MGAM: variants seen among roughly 807,000 people sequenced by gnomAD.
The protein encoded by MGAM is maltase-glucoamylase.
In MGAM, 253 loss-of-function variants were observed where a neutral mutation model predicts 358.8. That is an observed-to-expected ratio of 0.71 (90% CI 0.64 to 0.78). The LOEUF is 0.78. MGAM is among the 30% of genes least tolerant of loss of function. MGAM has a pLI of 0.00. For synonymous variants in MGAM, 1,105 were observed against 1,227.1 expected (o/e 0.90, Z 2.08); for missense variants, 3,080 against 3,432.6 (o/e 0.90, Z 2.57).
intron 10 of MGAM, among the ~76,000 whole-genome samples, chr7:142,028,714 T>C (rs1483333568): frequency 1.3e-5 from 2 of 152,150 alleles, no homozygotes; most frequent in African/African-American, 4.8e-5. Flanking sequence ...TCCATAAATA[T>C]GATGTGTAAA....
chr7:142,060,355 C>G lies in MGAM; in HGVS notation c.4104C>G (p.Asp1368Glu). 2 of 1,614,044 alleles carry G rather than the reference C, an allele frequency of 1.2e-6. No individual in the cohort carries two copies. ...FPDVVVNGSL[D>E]WDSQVELYRA... Reference sequence around the variant, plus strand: ...ATGTTGTTGTGAATGGGTCTCTAGACTGGGACAGCCAAGTGGAGGTAAAAG... The same window carrying G: ...ATGTTGTTGTGAATGGGTCTCTAGAGTGGGACAGCCAAGTGGAGGTAAAAG... The change falls in exon 34 of 71, where the codon GAC (aspartate) becomes GAG (glutamate). Residue 1368 changes from aspartate to glutamate, a missense_variant. Transcript: ENST00000475668.
intron 42 of MGAM, 146 bp from the exon 43 acceptor site, chr7:142,068,501 A>T (rs1196478102): frequency 4.8e-6 from 3 of 630,844 alleles, no homozygotes; most frequent in African/African-American, 1.8e-5. Flanking sequence ...AAACAGGAAG[A>T]AGGTTGCCCC....
At position 142,076,793 on chromosome 7, in the gene MGAM, T is replaced by G; in HGVS notation, c.5460T>G (p.Thr1820=). ...AACACAATGGTGTCCCAAGTCAGACTTCTCCTACAGTCACTTATGATTCTA... is the reference window on the plus strand; with the variant it reads ...AACACAATGGTGTCCCAAGTCAGACGTCTCCTACAGTCACTTATGATTCTA... ...TVKHNGVPSQ[T]SPTVTYDSNL... is the part of the protein sequence containing the mutation. Residue 1820 remains threonine (T), a synonymous_variant, in exon 47 of 71, where the codon ACT becomes ACG. Transcript: ENST00000475668. 1.3e-6 allele frequency: 2 copies of G among 1,555,330 alleles called. No individual in the cohort carries two copies. The highest frequency in any genetic ancestry group is 1.8e-6 in the Non-Finnish European group (2 of 1,131,740).
At chr7:142,023,604 G>A (rs868924674) in intron 7 of MGAM, among the ~76,000 whole-genome samples, 3 of 152,014 alleles carry the variant, frequency 2.0e-5, no homozygotes, top group Admixed American at 6.6e-5. Flanking sequence ...GCCTGAACCC[G>A]GGAGGTGGAC....
intron 24 of MGAM, 33 bp from the exon 25 acceptor site, chr7:142,052,261 A>G (rs1267413725): frequency 1.3e-6 from 2 of 1,558,814 alleles, no homozygotes; most frequent in Admixed American, 1.9e-5. Context: ...TCTCCTAAAG[A>G]TGAATTTCCT....
At chr7:142,008,448 T>C in intron 2 of MGAM, 58 bp from the exon 3 acceptor site, 1 of 1,522,242 alleles carries the variant, frequency 6.6e-7, no homozygotes, top group East Asian at 2.4e-5. Flanking sequence ...TGAGAACTAT[T>C]GAATGTCTGT....
In MGAM at chr7:142,008,941, G is replaced by A. The variant is rs782708709; in HGVS notation, c.327+236G>A. On this transcript the variant is annotated intron_variant, in intron 3 of 70. Transcript: ENST00000475668. Reference sequence around the variant, plus strand: ...TGCCAGATTCAGCAAATAAAAGTGCGGTTGCCCAGCCAAATTCAAATTTCA... The same window carrying A: ...TGCCAGATTCAGCAAATAAAAGTGCAGTTGCCCAGCCAAATTCAAATTTCA... Among the ~76,000 whole-genome samples the A allele has an allele frequency of 1.8e-4, 27 of 152,026 alleles. 1 individual carries two copies. The highest frequency in any genetic ancestry group is 2.8e-4 in the Non-Finnish European group (19 of 67,992).
chr7:142,004,919 C>G (rs967899765), intron 1 of MGAM, among the ~76,000 whole-genome samples: 6 of 151,966 alleles, frequency 3.9e-5, no homozygotes, highest in Non-Finnish European at 8.8e-5. Context: ...ACCATTCTTG[C>G]TAAAAAATCA....
intron 34 of MGAM, among the ~76,000 whole-genome samples, chr7:142,061,931 C>T (rs1812241679): frequency 6.6e-6 from 1 of 152,090 alleles, no homozygotes; most frequent in African/African-American, 2.4e-5. Context: ...AAAGTTGTAT[C>T]TTGAATCTTT....
rs935374548 is a variant in MGAM, at chr7:142,076,138, A to G, written c.5276-65A>G. ...TCAGGATGTAACTGAAAAGAGTGGGAGTGTGAAATCTGTTCTTCTGTGGTG... is the reference window on the plus strand; with the variant it reads ...TCAGGATGTAACTGAAAAGAGTGGGGGTGTGAAATCTGTTCTTCTGTGGTG... On this transcript the variant is annotated intron_variant, in intron 45 of 70. Coordinates refer to ENST00000475668, the MANE Select transcript of MGAM (RefSeq NM_001365693.1). 9.1e-6 allele frequency: 11 copies of G among 1,204,798 alleles called. No homozygotes were observed. The African/African-American group carries it at 1.6e-4, about 17-fold the overall frequency. 74.6% of individuals were successfully genotyped at this position (1,204,798 alleles called of 1,614,324 possible).
intron 3 of MGAM, among the ~76,000 whole-genome samples, chr7:142,018,072 A>C (rs184429591): frequency 3.0e-4 from 45 of 152,322 alleles, no homozygotes; most frequent in Admixed American, 6.5e-4. Context: ...TTATTCCAAA[A>C]TTTAATGGCC....
At chr7:142,033,327 A>G (rs1554464498) in intron 14 of MGAM, among the ~76,000 whole-genome samples, 1 of 152,170 alleles carries the variant, frequency 6.6e-6, no homozygotes, top group African/African-American at 2.4e-5. Context: ...GAGTTACAGG[A>G]TGAAAAGACA....
chr7:142,065,601 C>T lies in MGAM; in HGVS notation c.4632C>T (p.Phe1544=). 6.2e-7 allele frequency: 1 copy of T among 1,613,898 alleles called. No homozygotes were observed. ...TTCTCGTTGCAGGCATGATGGAGTT[C>T]AGCCTCTTTGGCATATCCTATGTGA... ...LKKSIIGMME[F]SLFGISYTGA... Residue 1544 remains phenylalanine, a synonymous_variant, in exon 39 of 71, where the codon TTC becomes TTT. Transcript: ENST00000475668.
Position 142,094,267 on chromosome 7 carries a change from A to G in MGAM, c.7173-97A>G. 5.1e-6 allele frequency: 7 copies of G among 1,379,114 alleles called. No homozygotes were observed. In the South Asian group the frequency reaches 7.7e-5, roughly 15 times the overall value. The allele number at this position is 1,379,114 out of a possible 1,614,324, so 85.4% of individuals were successfully genotyped here. A position where few individuals can be genotyped will look rare whatever the true frequency, so the allele number is the denominator to read the frequency against. ...CCCGTGTTCCCTCCAATCACGCAGCAAACATTGACTAGGCTCAAGGGCTCT... is the reference window on the plus strand; with the variant it reads ...CCCGTGTTCCCTCCAATCACGCAGCGAACATTGACTAGGCTCAAGGGCTCT... On this transcript the variant is annotated intron_variant, in intron 60 of 70. Coordinates refer to ENST00000475668, the MANE Select transcript of MGAM (RefSeq NM_001365693.1).
At chr7:142,050,211 G>C (rs1810806779) in intron 22 of MGAM, 24 bp from the exon 23 acceptor site, 1 of 1,613,380 alleles carries the variant, frequency 6.2e-7, no homozygotes, top group African/African-American at 1.3e-5. Context: ...GCCAGAATCT[G>C]ACTTGTCTTT....
chr7:142,061,067 G>A (rs757536754), intron 34 of MGAM, among the ~76,000 whole-genome samples: 67 of 152,176 alleles, frequency 4.4e-4, no homozygotes, highest in Non-Finnish European at 7.8e-4. Context: ...GCTCCTTACA[G>A]GAGAGTGGAG....
In MGAM at chr7:142,078,722, T is replaced by G. The variant is rs757382902; in HGVS notation, c.5647-86T>G. ...GTGATAGGCTGGTTTTATTGTCATATAAAATGACTTTTCTAACCCTGTTTA... is the reference window on the plus strand; with the variant it reads ...GTGATAGGCTGGTTTTATTGTCATAGAAAATGACTTTTCTAACCCTGTTTA... On this transcript the variant is annotated intron_variant, in intron 48 of 70. Transcript: ENST00000475668. 13 of 1,324,982 alleles carry G rather than the reference T, an allele frequency of 9.8e-6. 1 individual carries two copies. The highest frequency in any genetic ancestry group is 1.3e-5 in the Non-Finnish European group (12 of 946,596). 82.1% of individuals were successfully genotyped at this position (1,324,982 alleles called of 1,614,324 possible). A position where few individuals can be genotyped will look rare whatever the true frequency, so the allele number is the denominator to read the frequency against.
Position 142,058,538 on chromosome 7 carries a change from G to C in MGAM, c.3819+210G>C, listed in dbSNP as rs545470677. 5.5e-4 allele frequency among the ~76,000 whole-genome samples: 84 copies of C among 152,316 alleles called. 1 individual carries two copies. In the South Asian group the frequency reaches 0.017, roughly 30 times the overall value. On this transcript the variant is annotated intron_variant, in intron 31 of 70. Coordinates refer to ENST00000475668, the MANE Select transcript of MGAM (RefSeq NM_001365693.1). ...GACAGCTCAAGACCCAGCATGACTC[G>C]CCAGAGTGGGAGATAGGCTGGCTCC...
chr7:142,101,271 G>A (rs1027308386), intron 68 of MGAM, among the ~76,000 whole-genome samples: 1 of 152,062 alleles, frequency 6.6e-6, no homozygotes, highest in Non-Finnish European at 1.5e-5. Context: ...TTATTTATGG[G>A]ATATTTTCTA....
Sources: allele counts gnomAD v4.1 joint callset (sites outside exome capture counted in the v4.1 genomes callset), GRCh38; gene constraint gnomAD v4.1.1; transcripts MANE v1.5; gene names NCBI Gene and HGNC (gene_info 2026-07-23, HGNC 2026-07-21).